Variants in SYNRG observed in about 807,000 individuals in gnomAD.
SYNRG encodes the protein synergin gamma.
In SYNRG, 37 loss-of-function variants were observed where a neutral mutation model predicts 130.9. The ratio of observed to expected loss-of-function variants is 0.28; its 90% CI spans 0.22 to 0.37. SYNRG has a LOEUF of 0.37. SYNRG is among the 10% of genes least tolerant of loss of function. The pLI is 1.00. For synonymous variants in SYNRG, 539 were observed against 568.1 expected, an observed-to-expected ratio of 0.95 and a Z score of 0.73; for missense variants, 1,338 against 1,588.9, an observed-to-expected ratio of 0.84 and a Z score of 2.68.
At position 37,553,313 on chromosome 17, in the gene SYNRG, T is replaced by C. The variant is rs1304243076; in HGVS notation, c.2410A>G (p.Lys804Glu). 6.2e-7 allele frequency: 1 copy of C among 1,614,074 alleles called. No individual in the cohort carries two copies. Among genetic ancestry groups the C allele is most frequent in the African/African-American group, 1.3e-5 (1 of 74,942 alleles). The change falls in exon 14 of 22, where the codon AAA becomes GAA. Residue 804 changes from lysine to glutamate, a missense_variant. Coordinates refer to ENST00000612223, the MANE Select transcript of SYNRG (RefSeq NM_007247.6). ...GEKAVAFRHT[K>E]EDSASVKSLD... ...GACTTCACTGATGCAGAGTCTTCTTTGGTGTGTCTGAAAGCCACTGCTTTC... is the reference window on the plus strand; with the variant it reads ...GACTTCACTGATGCAGAGTCTTCTTCGGTGTGTCTGAAAGCCACTGCTTTC...
In SYNRG at chr17:37,576,373, G is replaced by A. The variant is rs1432232450; in HGVS notation, c.869C>T (p.Pro290Leu). 1 of 1,613,902 alleles carries A rather than the reference G, an allele frequency of 6.2e-7. No homozygotes were observed. Among genetic ancestry groups the A allele is most frequent in the Non-Finnish European group, 8.5e-7 (1 of 1,179,910 alleles). The change falls in exon 8 of 22, where the codon CCT becomes CTT. Residue 290 changes from proline (P) to leucine (L), a missense_variant. By Grantham distance (98) the Pro-to-Leu change is moderately conservative. Transcript: ENST00000612223. ...CAAACTCTCATTGTAAATCCAAGGA[G>A]GCATTCTGGGCTGAGCAGGATCCTG... ...PSQDPAQPRM[P>L]PWIYNESLVP... is the part of the protein sequence containing the mutation.
chr17:37,608,988 C>T (rs184852717), intron 1 of SYNRG, among the ~76,000 whole-genome samples: 4 of 142,344 alleles, frequency 2.8e-5, no homozygotes, highest in Non-Finnish European at 6.1e-5. Context: ...TTTGCCCCGC[C>T]CCCCCCCACC....
At chr17:37,573,160 T>C (rs1324690735) in intron 8 of SYNRG, among the ~76,000 whole-genome samples, 1 of 152,070 alleles carries the variant, frequency 6.6e-6, no homozygotes, top group Non-Finnish European at 1.5e-5. Context: ...TCCCAGTGCT[T>C]TGGGATGCTG....
rs543991319 is a variant in SYNRG, at chr17:37,556,710, T to C, written c.1664-2651A>G. Reference sequence around the variant, plus strand: ...TTATATTTGTAAGACATACCACTAGTAAAACTCAAGTCAATTTCACAAACT... The same window carrying C: ...TTATATTTGTAAGACATACCACTAGCAAAACTCAAGTCAATTTCACAAACT... On this transcript the variant is annotated intron_variant, in intron 13 of 21. Coordinates refer to ENST00000612223, the MANE Select transcript of SYNRG (RefSeq NM_007247.6). Among the ~76,000 whole-genome samples the C allele has an allele frequency of 8.5e-4, 129 of 152,306 alleles. 1 individual carries two copies. The highest frequency in any genetic ancestry group is 1.3e-3 in the African/African-American group (53 of 41,568).
At chr17:37,572,495 C>T (rs778129488) in intron 8 of SYNRG, among the ~76,000 whole-genome samples, 3 of 151,880 alleles carry the variant, frequency 2.0e-5, no homozygotes, top group Admixed American at 6.6e-5. Context: ...AATTAAGAGT[C>T]TGAAGTTTGG....
intron 21 of SYNRG, 73 bp from the exon 22 acceptor site, chr17:37,519,144 T>C (rs2054667310): frequency 6.4e-7 from 1 of 1,572,882 alleles, no homozygotes; most frequent in Non-Finnish European, 8.7e-7. Flanking sequence ...GCAACCAACA[T>C]GTACATCTAT....
rs1268679146 is a variant in SYNRG, at chr17:37,516,100, T to TC, written c.*2839dup. The TC allele has an allele frequency of 6.6e-6, 1 of 151,888 alleles. No individual in the cohort carries two copies. Among genetic ancestry groups the TC allele is most frequent in the Non-Finnish European group, 1.5e-5 (1 of 68,002 alleles). The allele number at this position is 151,888 out of a possible 1,614,324, so 9.4% of individuals were successfully genotyped here. On this transcript the variant is annotated 3_prime_UTR_variant, in exon 22 of 22. Transcript: ENST00000612223. The stretch of plus-strand genomic sequence containing the variant: ...CCATAAAAATTTTAAAGGCAAAACA[T>TC]CCCACCAAAAAAAGAAAAGTGCTTA...
At chr17:37,585,247 C>T (rs569846868) in intron 5 of SYNRG, 78 bp downstream of exon 5, 11 of 1,211,748 alleles carry the variant, frequency 9.1e-6, no homozygotes, top group African/African-American at 1.5e-5. Context: ...GCCCCAGTGA[C>T]GAAATCCACT....
chr17:37,585,999 T>C (rs192163190), intron 4 of SYNRG, among the ~76,000 whole-genome samples: 5 of 152,312 alleles, frequency 3.3e-5, no homozygotes, highest in African/African-American at 1.2e-4. Flanking sequence ...AGAGGCTTTT[T>C]TGTTTTTGTT....
chr17:37,595,060 G>A (rs750306116), intron 3 of SYNRG, among the ~76,000 whole-genome samples: 12 of 152,190 alleles, frequency 7.9e-5, no homozygotes, highest in Non-Finnish European at 1.6e-4. Flanking sequence ...CTAAGTCACT[G>A]AGATCTGGGG....
chr17:37,528,704 T>A (rs1156497290), intron 19 of SYNRG, among the ~76,000 whole-genome samples: 1 of 152,236 alleles, frequency 6.6e-6, no homozygotes, highest in Non-Finnish European at 1.5e-5. Context: ...GATGTTGGTT[T>A]ATGTCATTTA....
chr17:37,569,523 C>T (rs1053200701), intron 10 of SYNRG, among the ~76,000 whole-genome samples: 1 of 150,882 alleles, frequency 6.6e-6, no homozygotes, highest in Non-Finnish European at 1.5e-5. Flanking sequence ...GGTGTGGTGG[C>T]GGGCACCTGT....
intron 21 of SYNRG, among the ~76,000 whole-genome samples, 153 bp from the exon 22 acceptor site, chr17:37,519,224 T>C (rs574148893): frequency 3.3e-5 from 5 of 152,312 alleles, no homozygotes; most frequent in African/African-American, 1.2e-4. Flanking sequence ...CTACAGGAAT[T>C]CAAGAGAGAA....
At position 37,539,178 on chromosome 17, in the gene SYNRG, A is replaced by C. The variant is rs754481120; in HGVS notation, c.3420+14T>G. ...GCACTCACATATGTGTGAACGCGTA[A>C]GTGACATACTCACATTCAGGGCACT... On this transcript the variant is annotated intron_variant, in intron 17 of 21. Coordinates refer to ENST00000612223, the MANE Select transcript of SYNRG (RefSeq NM_007247.6). The C allele has an allele frequency of 1.4e-5, 23 of 1,613,756 alleles. 1 individual carries two copies. The highest frequency in any genetic ancestry group is 4.2e-6 in the Non-Finnish European group (5 of 1,179,960).
intron 19 of SYNRG, among the ~76,000 whole-genome samples, chr17:37,533,979 G>A (rs2056941831): frequency 8.6e-6 from 1 of 115,700 alleles, no homozygotes; most frequent in African/African-American, 3.3e-5. Flanking sequence ...CTGTCACCTA[G>A]GCTGGAATGC....
Position 37,542,034 on chromosome 17 carries a change from T to C in SYNRG, c.3140A>G (p.Lys1047Arg). 1 of 1,614,240 alleles carries C rather than the reference T, an allele frequency of 6.2e-7. No individual in the cohort carries two copies. The highest frequency in any genetic ancestry group is 1.1e-5 in the South Asian group (1 of 91,086). ...GATCATTTCTTCACTGGATTTCATT[T>C]TGCTTTGTGAAGTGGCTACTAAGAA... ...FDFLVATSQS[K>R]MKSSEEMIKS... is the part of the protein sequence containing the mutation. Residue 1047 changes from lysine to arginine, a missense_variant, in exon 15 of 22, where the codon AAA (lysine) becomes AGA (arginine). Lys to Arg is a conservative substitution (Grantham distance 26). Transcript: ENST00000612223.
chr17:37,539,087 T>G, intron 17 of SYNRG, 105 bp downstream of exon 17: 1 of 1,547,210 alleles, frequency 6.5e-7, no homozygotes, highest in Non-Finnish European at 8.7e-7. Flanking sequence ...GACATCCAAG[T>G]AAGGCTCTCC....
chr17:37,538,900 G>A (rs1429742177), intron 17 of SYNRG: 1 of 541,912 alleles, frequency 1.8e-6, no homozygotes, highest in African/African-American at 2.1e-5. Context: ...AGCCAAGACA[G>A]GTTCTTTAGC....
intron 21 of SYNRG, 31 bp from the exon 22 acceptor site, chr17:37,519,102 G>A (rs369644257): frequency 1.2e-6 from 2 of 1,605,890 alleles, no homozygotes; most frequent in South Asian, 1.1e-5. Flanking sequence ...TGTGGGGCAA[G>A]TCAGGCTTTT....
Sources: gnomAD v4.1 joint callset for allele counts (sites outside exome capture counted in the v4.1 genomes callset) on GRCh38, gnomAD v4.1.1 for gene constraint, MANE v1.5 for transcripts, NCBI Gene and HGNC (gene_info 2026-07-23, HGNC 2026-07-21) for gene names.